The following NIBAN1 variants were observed in gnomAD, a reference collection of about 807,000 sequenced individuals.
NIBAN1 encodes the protein niban apoptosis regulator 1, also known as protein Niban 1.
NIBAN1 carries 81 observed loss-of-function variants against 75.1 expected under a neutral mutation model. The observed-to-expected ratio is 1.08, with a 90% confidence interval of 0.90 to 1.30. The LOEUF (loss-of-function observed/expected upper bound fraction) is 1.30, where lower values mean the gene tolerates loss of function less well. Ranked by LOEUF, NIBAN1 falls within the 50% of genes most tolerant of loss-of-function variation. The pLI, the probability that NIBAN1 is intolerant of heterozygous loss-of-function variation, is 0.00. For synonymous variants in NIBAN1, 436 were observed against 424.8 expected (o/e 1.03, Z -0.32); for missense variants, 1,133 against 1,128.1 (o/e 1.00, Z -0.06).
chr1:184,852,867 C>T (rs924945485), intron 5 of NIBAN1, among the ~76,000 whole-genome samples: 2 of 152,128 alleles, frequency 1.3e-5, no homozygotes, highest in East Asian at 3.9e-4. Context: ...TATTAAATGG[C>T]ATGTGTCTTT....
chr1:184,909,581 C>G (rs945455207), intron 1 of NIBAN1, among the ~76,000 whole-genome samples: 1 of 152,168 alleles, frequency 6.6e-6, no homozygotes, highest in Admixed American at 6.6e-5. Flanking sequence ...AACCGTTCAA[C>G]ATTTCTGTAG....
intron 2 of NIBAN1, among the ~76,000 whole-genome samples, chr1:184,896,747 A>G (rs1656810815): frequency 6.6e-6 from 1 of 152,170 alleles, no homozygotes; most frequent in East Asian, 1.9e-4. Flanking sequence ...GTCCAGTTTC[A>G]TTCTTCTGCA....
chr1:184,865,262 G>A (rs114520974), intron 5 of NIBAN1, among the ~76,000 whole-genome samples: 3,357 of 152,138 alleles, frequency 0.022, 88 homozygotes, highest in East Asian at 0.074. Flanking sequence ...TATACACAAT[G>A]GGATACTACA....
chr1:184,973,803 T>C (rs899065374), intron 1 of NIBAN1, among the ~76,000 whole-genome samples: 2 of 152,218 alleles, frequency 1.3e-5, no homozygotes, highest in African/African-American at 4.8e-5. Context: ...ATCCTGCAAG[T>C]GCTAGGATGA....
intron 12 of NIBAN1, among the ~76,000 whole-genome samples, chr1:184,800,257 G>A (rs1410002626): frequency 2.0e-5 from 3 of 149,648 alleles, no homozygotes; most frequent in Admixed American, 2.0e-4. Context: ...TGTAGATTCT[G>A]GATATTAGCC....
At chr1:184,818,524 A>T (rs1298705732) in intron 9 of NIBAN1, 114 bp downstream of exon 9, 1 of 1,063,440 alleles carries the variant, frequency 9.4e-7, no homozygotes, top group East Asian at 2.5e-5. Flanking sequence ...GAAGGGCAGA[A>T]GAATGGAAGG....
chr1:184,841,941 G>A (rs1655297907), intron 5 of NIBAN1, among the ~76,000 whole-genome samples: 2 of 152,122 alleles, frequency 1.3e-5, no homozygotes, highest in Admixed American at 1.3e-4. Flanking sequence ...CCCCAAGACT[G>A]TAAACTCCAA....
rs75030920 is a variant in NIBAN1, at chr1:184,795,774, C to A, written c.1990G>T (p.Val664Leu). 1.3e-4 allele frequency: 215 copies of A among 1,611,518 alleles called. 1 individual carries two copies. Among genetic ancestry groups the A allele is most frequent in the African/African-American group, 2.5e-4 (19 of 75,004 alleles). The change falls in exon 14 of 14, where the codon GTG becomes TTG. Residue 664 changes from valine (V) to leucine (L), a missense_variant. By Grantham distance (32) the Val-to-Leu change is conservative. Transcript: ENST00000367511. Reference sequence around the variant, plus strand: ...TCCTCTGTTGCCACAGGATTCACCACGGGGTCATCCACTCTTGAAATAATC... The same window carrying A: ...TCCTCTGTTGCCACAGGATTCACCAAGGGGTCATCCACTCTTGAAATAATC... Reference protein sequence around the residue: ...QVIISRVDDPVVNPVATEDTA... With the variant: ...QVIISRVDDPLVNPVATEDTA...
At chr1:184,901,271 C>A (rs1222109214) in intron 1 of NIBAN1, among the ~76,000 whole-genome samples, 1 of 152,020 alleles carries the variant, frequency 6.6e-6, no homozygotes, top group African/African-American at 2.4e-5. Context: ...GCTTTGAGAC[C>A]CACTAATAAT....
chr1:184,962,288 G>A (rs1658669880), intron 1 of NIBAN1, among the ~76,000 whole-genome samples: 4 of 152,184 alleles, frequency 2.6e-5, no homozygotes, highest in African/African-American at 9.7e-5. Context: ...AATTGATGAT[G>A]GCAGTATTTG....
chr1:184,860,237 G>A (rs1557890499), intron 5 of NIBAN1, among the ~76,000 whole-genome samples: 2 of 151,120 alleles, frequency 1.3e-5, no homozygotes. Flanking sequence ...GCTGTAGGCA[G>A]GTGGGAGGAA....
At position 184,795,062 on chromosome 1, in the gene NIBAN1, G is replaced by C. The variant is rs745419980; in HGVS notation, c.2702C>G (p.Pro901Arg). The change falls in exon 14 of 14, where the codon CCG becomes CGG. Residue 901 changes from proline to arginine, a missense_variant. Coordinates refer to ENST00000367511, the MANE Select transcript of NIBAN1 (RefSeq NM_052966.4). ...ATCTTTGTGTGACAGCAGGACATCCGGGTTTGGAGCATCCTCCACCACCCA... is the reference window on the plus strand; with the variant it reads ...ATCTTTGTGTGACAGCAGGACATCCCGGTTTGGAGCATCCTCCACCACCCA... ...CQWVVEDAPN[P>R]DVLLSHKDDV... is the part of the protein sequence containing the mutation. The C allele has an allele frequency of 6.2e-7, 1 of 1,613,926 alleles. No individual in the cohort carries two copies.
intron 5 of NIBAN1, among the ~76,000 whole-genome samples, chr1:184,872,238 A>G (rs1251702637): frequency 1.3e-5 from 2 of 152,140 alleles, no homozygotes; most frequent in Non-Finnish European, 2.9e-5. Flanking sequence ...TAGAAAAAGA[A>G]CGAAAATAAT....
intron 1 of NIBAN1, among the ~76,000 whole-genome samples, chr1:184,951,496 G>A (rs1055220585): frequency 6.6e-6 from 1 of 152,140 alleles, no homozygotes; most frequent in African/African-American, 2.4e-5. Context: ...GTCAGAAATT[G>A]TGGAGTCATC....
intron 2 of NIBAN1, among the ~76,000 whole-genome samples, chr1:184,895,431 G>T (rs1329717778): frequency 6.6e-6 from 1 of 152,118 alleles, no homozygotes; most frequent in Non-Finnish European, 1.5e-5. Flanking sequence ...TAAATTTTGA[G>T]ATCACTGTTT....
chr1:184,961,688 T>G (rs1477448121), intron 1 of NIBAN1, among the ~76,000 whole-genome samples: 1 of 152,202 alleles, frequency 6.6e-6, no homozygotes, highest in Non-Finnish European at 1.5e-5. Context: ...TCTTGATTGG[T>G]CTAACCAAAT....
chr1:184,805,292 A>G (rs1654165022), intron 11 of NIBAN1, among the ~76,000 whole-genome samples: 1 of 152,210 alleles, frequency 6.6e-6, no homozygotes, highest in African/African-American at 2.4e-5. Context: ...TAAGCTCACC[A>G]TTGATCAGCC....
rs1653926387 is a variant in NIBAN1 at position 184,798,069 on chromosome 1, C to A, written c.1666+10G>T. 6.3e-7 allele frequency: 1 copy of A among 1,577,474 alleles called. No individual in the cohort carries two copies. ...GGAGTGTCCCTGCAGCACCAGGTAA[C>A]CTTTCTTACCTTTCAGAGTTTCATC... On this transcript the variant is annotated intron_variant, in intron 13 of 13. Coordinates refer to ENST00000367511, the MANE Select transcript of NIBAN1 (RefSeq NM_052966.4).
At position 184,968,209 on chromosome 1, in the gene NIBAN1, CA is replaced by C. The variant is rs1176738165; in HGVS notation, c.55+6092del. Among the ~76,000 whole-genome samples, 33 of 8,800 alleles carry C rather than the reference CA, an allele frequency of 3.7e-3. 6 individuals carry two copies. The South Asian group carries it at 0.04, about 11-fold the overall frequency. 5.8% of individuals were successfully genotyped at this position (8,800 alleles called of 152,430 possible). A position where few individuals can be genotyped will look rare whatever the true frequency, so the allele number is the denominator to read the frequency against. ...TGGGCGACAGAGCGAGACTCCGTCTCAAAAAAAAAAAAAAAAAAAGAAATCA... is the reference window on the plus strand; with the variant it reads ...TGGGCGACAGAGCGAGACTCCGTCTCAAAAAAAAAAAAAAAAAAGAAATCA... On this transcript the variant is annotated intron_variant, in intron 1 of 13. Transcript: ENST00000367511.
Sources: allele counts gnomAD v4.1 joint callset (sites outside exome capture counted in the v4.1 genomes callset), GRCh38; gene constraint gnomAD v4.1.1; transcripts MANE v1.5; gene names NCBI Gene and HGNC (gene_info 2026-07-23, HGNC 2026-07-21).